CPXM2: variants seen among roughly 807,000 people sequenced by gnomAD.
CPXM2 encodes the protein inactive carboxypeptidase-like protein X2.
CPXM2 carries 66 observed loss-of-function variants against 86.1 expected under a neutral mutation model. The observed-to-expected ratio is 0.77, with a 90% CI of 0.63 to 0.94. The LOEUF (loss-of-function observed/expected upper bound fraction) is 0.94, where lower values mean the gene tolerates loss of function less well. Among genes scored for constraint, CPXM2 ranks in the 40% least tolerant of loss-of-function variants. The probability of loss-of-function intolerance (pLI) is 0.00; values close to 1 mark genes in which losing one functional copy is unlikely to be tolerated. For synonymous variants in CPXM2, 388 were observed against 400.2 expected, an observed-to-expected ratio of 0.97 and a Z score of 0.36; for missense variants, 948 against 1,026.3, an observed-to-expected ratio of 0.92 and a Z score of 1.04.
chr10:123,776,798 A>T (rs1846802410), intron 7 of CPXM2: 1 of 152,180 alleles, frequency 6.6e-6, no homozygotes, highest in African/African-American at 2.4e-5. Flanking sequence ...AGAAAATGAA[A>T]ACTGCCTTTT....
chr10:123,915,356 G>A (rs887977875), intron 2 of CPXM2, among the ~76,000 whole-genome samples: 2 of 152,108 alleles, frequency 1.3e-5, no homozygotes, highest in Admixed American at 1.3e-4. Flanking sequence ...CCAGGAGTTC[G>A]AGACCAGACT....
intron 4 of CPXM2, among the ~76,000 whole-genome samples, chr10:123,830,944 C>G (rs1848155411): frequency 6.7e-6 from 1 of 149,518 alleles, no homozygotes; most frequent in South Asian, 2.1e-4. Flanking sequence ...GAACTCTAAT[C>G]ATGTAGTTAA....
rs114488518 is a variant in CPXM2 at position 123,799,491 on chromosome 10, T to A, written c.654-292A>T. 5.4e-3 allele frequency among the ~76,000 whole-genome samples: 821 copies of A among 152,314 alleles called. 10 individuals are homozygous for A. Among genetic ancestry groups the A allele is most frequent in the African/African-American group, 0.019 (775 of 41,552 alleles). Reference sequence around the variant, plus strand: ...TAGAACAAGGCCTAGCCCCTAGTAATCACTAACCGTTGATCACAGATGTAA... The same window carrying A: ...TAGAACAAGGCCTAGCCCCTAGTAAACACTAACCGTTGATCACAGATGTAA... On this transcript the variant is annotated intron_variant, in intron 4 of 13. Coordinates refer to ENST00000241305, the MANE Select transcript of CPXM2 (RefSeq NM_198148.3).
At chr10:123,795,376 G>GCC (rs1270435983) in intron 6 of CPXM2, among the ~76,000 whole-genome samples, 1 of 152,106 alleles carries the variant, frequency 6.6e-6, no homozygotes, top group African/African-American at 2.4e-5. Flanking sequence ...ACCCTCATCC[G>GCC]CCCCCACCGG....
At chr10:123,753,417 G>A (rs1000723864) in intron 13 of CPXM2, among the ~76,000 whole-genome samples, 7 of 152,270 alleles carry the variant, frequency 4.6e-5, no homozygotes, top group African/African-American at 1.7e-4. Flanking sequence ...ACCCTGAGGG[G>A]CACCTGCAGG....
chr10:123,937,470 A>ACACACAC (rs1491511876), intron 2 of CPXM2, among the ~76,000 whole-genome samples: 15 of 132,666 alleles, frequency 1.1e-4, no homozygotes, highest in African/African-American at 3.6e-4. Context: ...ACAACAAAAC[A>ACACACAC]ACACACACAC....
chr10:123,893,743 G>A (rs988368583), upstream of CPXM2, among the ~76,000 whole-genome samples: 8 of 150,712 alleles, frequency 5.3e-5, no homozygotes, highest in East Asian at 2.0e-4. Flanking sequence ...CACTCCAGAC[G>A]ACAACACAGT....
intron 4 of CPXM2, among the ~76,000 whole-genome samples, chr10:123,805,089 A>G (rs74162940): frequency 0.029 from 4,351 of 152,164 alleles, 198 homozygotes; most frequent in African/African-American, 0.099. Context: ...ATTGTCTCAG[A>G]GTTCTAAGAA....
chr10:123,836,243 C>T (rs1325807753), intron 4 of CPXM2, among the ~76,000 whole-genome samples: 1 of 152,142 alleles, frequency 6.6e-6, no homozygotes, highest in African/African-American at 2.4e-5. Flanking sequence ...TGACCCCAGT[C>T]ATCAACTCCA....
chr10:123,858,377 G>C (rs1417737772), intron 3 of CPXM2, among the ~76,000 whole-genome samples: 2 of 152,222 alleles, frequency 1.3e-5, no homozygotes, highest in Admixed American at 6.5e-5. Context: ...TCAGCATTTG[G>C]CGAGGGTGCA....
rs115830383 is a variant in CPXM2, at chr10:123,753,477, A to T, written c.2017+1186T>A. On this transcript the variant is annotated intron_variant, in intron 13 of 13. Transcript: ENST00000241305. ...CAGAAACCTGAAGCCAAACCCCACT[A>T]ACCCCTTAACCATCAGTGGGTCACT... Among the ~76,000 whole-genome samples, 1,201 of 152,306 alleles carry T rather than the reference A, an allele frequency of 7.9e-3. 15 individuals are homozygous for T. The highest frequency in any genetic ancestry group is 0.027 in the African/African-American group (1,132 of 41,564).
In CPXM2 at chr10:123,891,517, G is replaced by T; in HGVS notation, c.143C>A (p.Ala48Glu). The change falls in exon 1 of 14, where the codon GCG becomes GAG. Residue 48 changes from alanine to glutamate, a missense_variant. Ala to Glu is a moderately radical substitution (Grantham distance 107, BLOSUM62 -1). Transcript: ENST00000241305. This position sits in a 1 kb window ranked among gnomAD's most constrained non-coding sequence, Gnocchi z 5.6. Reference protein sequence around the residue: ...QEIWSREPYYARPEPELETFS... With the variant: ...QEIWSREPYYERPEPELETFS... ...GGTCTCGAGCTCGGGCTCCGGGCGC[G>T]CGTAGTAGGGCTCCCGGCTCCAGAT... 6.5e-7 allele frequency: 1 copy of T among 1,548,536 alleles called. No homozygotes were observed.
At chr10:123,942,206 G>A (rs946644190), upstream of CPXM2, among the ~76,000 whole-genome samples, 20 of 152,108 alleles carry the variant, frequency 1.3e-4, no homozygotes, top group African/African-American at 4.8e-4. Flanking sequence ...AGTCATGCAC[G>A]GCATAAAAAC....
In CPXM2 at chr10:123,768,778, C is replaced by T. The variant is rs115623953; in HGVS notation, c.1103-56G>A. On this transcript the variant is annotated intron_variant, in intron 8 of 13. Coordinates refer to ENST00000241305, the MANE Select transcript of CPXM2 (RefSeq NM_198148.3). ...TCACGTTGAAACACTTAGGGCCAAA[C>T]GGTGCTTGTCACATTGTGTTGGGGG... is the stretch of plus-strand genomic sequence containing the variant. 1.9e-3 allele frequency: 2,818 copies of T among 1,478,082 alleles called. 27 individuals carry two copies. The African/African-American group carries it at 0.026, about 13-fold the overall frequency. 91.6% of individuals were successfully genotyped at this position (1,478,082 alleles called of 1,614,324 possible).
At chr10:123,777,701 C>T (rs950843480) in intron 7 of CPXM2, 1 of 152,734 alleles carries the variant, frequency 6.5e-6, no homozygotes, top group Non-Finnish European at 1.5e-5. Flanking sequence ...CCCACCACCC[C>T]TGCCTGCCAG....
chr10:123,780,726 C>G (rs1846914478), intron 6 of CPXM2, among the ~76,000 whole-genome samples: 1 of 130,192 alleles, frequency 7.7e-6, no homozygotes, highest in Non-Finnish European at 1.7e-5. Context: ...TTTTACCCAG[C>G]ATTCATTCCC....
intron 2 of CPXM2, among the ~76,000 whole-genome samples, chr10:123,867,405 A>AAT (rs1944808420): frequency 6.6e-6 from 1 of 152,186 alleles, no homozygotes; most frequent in Non-Finnish European, 1.5e-5. Flanking sequence ...ATTAATTCGA[A>AAT]ATACATAATA....
chr10:123,822,369 G>A (rs926468911), intron 4 of CPXM2, among the ~76,000 whole-genome samples: 3 of 152,190 alleles, frequency 2.0e-5, no homozygotes, highest in Admixed American at 2.0e-4. Context: ...GAGTGTGCCA[G>A]GCACTGGGGT....
chr10:123,768,909 A>G (rs1022824946), intron 8 of CPXM2, among the ~76,000 whole-genome samples, 187 bp from the exon 9 acceptor site: 1 of 152,232 alleles, frequency 6.6e-6, no homozygotes, highest in African/African-American at 2.4e-5. Context: ...ACAGTCAGGT[A>G]TGTAAGAAAA....
Sources: gnomAD v4.1 joint callset for allele counts (sites outside exome capture counted in the v4.1 genomes callset) on GRCh38, gnomAD v4.1.1 for gene constraint, Gnocchi (gnomAD v3.1) non-coding constraint, MANE v1.5 for transcripts, NCBI Gene and HGNC (gene_info 2026-07-23, HGNC 2026-07-21) for gene names.